POLI: variants seen among roughly 807,000 people sequenced by gnomAD.
The protein encoded by POLI is DNA polymerase iota, also known as RAD30 homolog B.
Under a neutral mutation model 51.6 loss-of-function variants are expected in POLI, and 58 were observed. The observed-to-expected ratio is 1.12, with a 90% CI of 0.91 to 1.40. POLI has a LOEUF of 1.40. Ranked by LOEUF, POLI falls within the 40% of genes most tolerant of loss-of-function variation. The pLI is 0.00. For missense variants in POLI, 921 were observed against 871.3 expected (o/e 1.06, Z -0.72); for synonymous variants, 322 against 299.7 (o/e 1.07, Z -0.77).
At chr18:54,306,161 A>G (rs2088582670) in intron 3 of POLI, among the ~76,000 whole-genome samples, 1 of 152,186 alleles carries the variant, frequency 6.6e-6, no homozygotes, top group Admixed American at 6.5e-5. Context: ...CCAGTTTTCA[A>G]AGGGAATGCT....
At chr18:54,283,649 C>G (rs957788384) in intron 6 of POLI, 1 of 191,254 alleles carries the variant, frequency 5.2e-6, no homozygotes, top group African/African-American at 2.3e-5. Flanking sequence ...GGAGTTGGTA[C>G]TAGAGCTTTA....
chr18:54,285,390 C>CA (rs995806797), intron 7 of POLI, among the ~76,000 whole-genome samples: 2 of 152,034 alleles, frequency 1.3e-5, no homozygotes, highest in Non-Finnish European at 2.9e-5. Context: ...CTGTGACATA[C>CA]AAAACCTGTG....
chr18:54,293,968 A>C lies in POLI; in HGVS notation c.1724A>C (p.Lys575Thr), dbSNP rs949661979. 6.2e-7 allele frequency: 1 copy of C among 1,612,872 alleles called. No homozygotes were observed. Among genetic ancestry groups the C allele is most frequent in the African/African-American group, 1.3e-5 (1 of 74,910 alleles). The change falls in exon 10 of 10, where the codon AAA becomes ACA. Residue 575 changes from lysine (K) to threonine (T), a missense_variant. Transcript: ENST00000579534. Reference sequence around the variant, plus strand: ...GGAGTATTATCTTTCTTTTCTAAAAAACAAATGCAAGATATTCCCATAAAT... The same window carrying C: ...GGAGTATTATCTTTCTTTTCTAAAACACAAATGCAAGATATTCCCATAAAT... ...SRGVLSFFSK[K>T]QMQDIPINPR...
intron 3 of POLI, among the ~76,000 whole-genome samples, chr18:54,275,388 A>G (rs955719723): frequency 2.0e-5 from 3 of 152,230 alleles, no homozygotes; most frequent in African/African-American, 7.2e-5. Context: ...TTATCATAGC[A>G]TGGTTTATGA....
chr18:54,314,294 A>C (rs919054689), intron 3 of POLI, among the ~76,000 whole-genome samples: 1 of 152,026 alleles, frequency 6.6e-6, no homozygotes, highest in Admixed American at 6.6e-5. Flanking sequence ...GTATATGTTG[A>C]ACCAACCTTG....
In POLI at chr18:54,296,165, A is replaced by AT; in HGVS notation, c.*1700dup. On this transcript the variant is annotated 3_prime_UTR_variant, in exon 10 of 10. Transcript: ENST00000579534. ...AAGGGTATATAACTTTTTGTAAATCATTAAAACATTTTATAGTCCTTGTAA... is the reference window on the plus strand; with the variant it reads ...AAGGGTATATAACTTTTTGTAAATCATTTAAAACATTTTATAGTCCTTGTAA... 2.0e-6 allele frequency: 2 copies of AT among 984,630 alleles called. No homozygotes were observed. The highest frequency in any genetic ancestry group is 2.4e-6 in the Non-Finnish European group (2 of 829,198). 61.0% of individuals were successfully genotyped at this position (984,630 alleles called of 1,614,324 possible).
At chr18:54,289,201 T>TG in intron 8 of POLI, among the ~76,000 whole-genome samples, 1 of 151,456 alleles carries the variant, frequency 6.6e-6, no homozygotes, top group Admixed American at 6.6e-5. Flanking sequence ...CTCAAGTGTT[T>TG]TTTTTTTTTT....
chr18:54,291,323 A>G (rs1260025082), intron 8 of POLI: 4 of 152,352 alleles, frequency 2.6e-5, no homozygotes, highest in African/African-American at 9.6e-5. Context: ...TACTGGCAAC[A>G]CTGCTGAGTG....
chr18:54,305,324 T>C (rs2088563747), intron 3 of POLI, among the ~76,000 whole-genome samples: 1 of 152,238 alleles, frequency 6.6e-6, no homozygotes, highest in South Asian at 2.1e-4. Context: ...TTGATGGGGA[T>C]GGCATTGAAT....
At chr18:54,278,552 A>G (rs1178729692) in intron 4 of POLI, among the ~76,000 whole-genome samples, 9 of 152,098 alleles carry the variant, frequency 5.9e-5, no homozygotes, top group Non-Finnish European at 7.3e-5. Context: ...CACTTTTGGA[A>G]TGTTGTCCAG....
chr18:54,279,445 G>C (rs1239071246), intron 4 of POLI, among the ~76,000 whole-genome samples: 1 of 152,030 alleles, frequency 6.6e-6, no homozygotes, highest in Non-Finnish European at 1.5e-5. Flanking sequence ...GTTTCACCAT[G>C]TTGGCCAGGC....
At chr18:54,271,250 C>CTA (rs3730685) in intron 1 of POLI, 110 bp from the exon 2 acceptor site, 235,434 of 892,798 alleles carry the variant, frequency 0.26, 32,850 homozygotes, top group Non-Finnish European at 0.29. Context: ...CAGGAGAAAA[C>CTA]ACGTCACTCT....
intron 1 of POLI, chr18:54,270,079 T>G: frequency 2.0e-6 from 2 of 984,588 alleles, no homozygotes; most frequent in Non-Finnish European, 2.4e-6. Flanking sequence ...GCTCAGAACC[T>G]AGGCGGAGTC....
chr18:54,293,348 A>G (rs1026776373), intron 9 of POLI, among the ~76,000 whole-genome samples: 14 of 151,862 alleles, frequency 9.2e-5, no homozygotes, highest in African/African-American at 3.4e-4. Context: ...TCTTTTATTT[A>G]TAGAATTGAA....
In POLI at chr18:54,294,758, G is replaced by T; in HGVS notation, c.*291G>T. Reference sequence around the variant, plus strand: ...ATTTTTCATGAATTGGTGGGGAGATGTATATGTTTATATATAAAAAATAGC... The same window carrying T: ...ATTTTTCATGAATTGGTGGGGAGATTTATATGTTTATATATAAAAAATAGC... On this transcript the variant is annotated 3_prime_UTR_variant, in exon 10 of 10. Coordinates refer to ENST00000579534, the MANE Select transcript of POLI (RefSeq NM_007195.3). 1.0e-6 allele frequency: 1 copy of T among 992,890 alleles called. No homozygotes were observed. The allele number at this position is 992,890 out of a possible 1,614,324, so 61.5% of individuals were successfully genotyped here.
rs1186739439 is a variant in POLI at position 54,291,855 on chromosome 18, AATGGTTGATAT to A, written c.1223_1233del (p.Met408ThrfsTer28). Reference sequence around the variant, plus strand: ...TAGGAAATTATGATGTGATGACCCCAATGGTTGATATACTTATGAAACTTTTTCGAAATATG... The same window carrying A: ...TAGGAAATTATGATGTGATGACCCCAACTTATGAAACTTTTTCGAAATATG... On this transcript the variant is annotated frameshift_variant, in exon 9 of 10. Transcript: ENST00000579534. LOFTEE classifies it high-confidence loss of function. 1 of 1,575,372 alleles carries A rather than the reference AATGGTTGATAT, an allele frequency of 6.3e-7. No individual in the cohort carries two copies. The highest frequency in any genetic ancestry group is 8.7e-7 in the Non-Finnish European group (1 of 1,146,370).
chr18:54,277,198 G>A (rs763366299), intron 3 of POLI, among the ~76,000 whole-genome samples: 8 of 152,106 alleles, frequency 5.3e-5, no homozygotes, highest in Admixed American at 2.6e-4. Flanking sequence ...AAAATACCAC[G>A]TTATAGTATA....
intron 3 of POLI, among the ~76,000 whole-genome samples, chr18:54,317,348 T>G (rs2088746659): frequency 6.6e-6 from 1 of 152,174 alleles, no homozygotes; most frequent in African/African-American, 2.4e-5. Context: ...TCACTGAGAT[T>G]TTGTGATTGT....
At chr18:54,282,047 C>T (rs931266042) in intron 5 of POLI, among the ~76,000 whole-genome samples, 16 of 152,004 alleles carry the variant, frequency 1.1e-4, no homozygotes, top group African/African-American at 3.9e-4. Flanking sequence ...TGTTTGTTTG[C>T]TTTCTGGCTC....
Sources: gnomAD v4.1 joint callset for allele counts (sites outside exome capture counted in the v4.1 genomes callset) on GRCh38, gnomAD v4.1.1 for gene constraint, MANE v1.5 for transcripts, NCBI Gene and HGNC (gene_info 2026-07-23, HGNC 2026-07-21) for gene names.